NDUFS4: variants seen among roughly 807,000 people sequenced by gnomAD.
The protein encoded by NDUFS4 is NADH:ubiquinone oxidoreductase subunit S4.
A neutral mutation model predicts 24.3 loss-of-function variants in NDUFS4; 28 were observed. That is an observed-to-expected ratio of 1.15 (90% CI 0.85 to 1.58). The LOEUF is 1.58. NDUFS4 is among the 40% of genes most tolerant of loss of function. The probability of loss-of-function intolerance (pLI) is 0.00; values close to 1 mark genes in which losing one functional copy is unlikely to be tolerated. For synonymous variants in NDUFS4, 93 were observed against 69.7 expected, an observed-to-expected ratio of 1.34 and a Z score of -1.67; for missense variants, 223 against 207.9, an observed-to-expected ratio of 1.07 and a Z score of -0.45.
At chr5:53,661,619 C>A (rs1752345973) in intron 4 of NDUFS4, among the ~76,000 whole-genome samples, 1 of 152,152 alleles carries the variant, frequency 6.6e-6, no homozygotes, top group African/African-American at 2.4e-5. Flanking sequence ...GATATTGATT[C>A]TTCCTACCCA....
intron 3 of NDUFS4, among the ~76,000 whole-genome samples, chr5:53,647,078 TTA>T (rs548523698): frequency 6.6e-6 from 1 of 151,232 alleles, no homozygotes; most frequent in Non-Finnish European, 1.5e-5. Flanking sequence ...GTAATATATA[TTA>T]TATATATATC....
intron 1 of NDUFS4, among the ~76,000 whole-genome samples, chr5:53,563,103 C>T (rs1489580016): frequency 6.8e-6 from 1 of 146,728 alleles, no homozygotes; most frequent in African/African-American, 2.5e-5. Context: ...GCAGCGTGCG[C>T]CTGTAGTCCC....
chr5:53,560,644 G>C lies in NDUFS4; in HGVS notation c.-19G>C, dbSNP rs1255185658. 1 of 1,614,196 alleles carries C rather than the reference G, an allele frequency of 6.2e-7. No individual in the cohort carries two copies. On this transcript the variant is annotated 5_prime_UTR_variant, in exon 1 of 5. Coordinates refer to ENST00000296684, the MANE Select transcript of NDUFS4 (RefSeq NM_002495.4). ...TTGCGGTGATCCGTCCTTTCATCCT[G>C]GCGTTTGCCTGCAGCAAGATGGCGG...
chr5:53,667,379 C>T (rs949018458), intron 4 of NDUFS4, among the ~76,000 whole-genome samples: 5 of 151,722 alleles, frequency 3.3e-5, no homozygotes, highest in African/African-American at 7.3e-5. Flanking sequence ...GCAGGAGAAT[C>T]GCTTGAACCC....
intron 2 of NDUFS4, among the ~76,000 whole-genome samples, chr5:53,626,932 G>A (rs537876902): frequency 6.6e-6 from 1 of 152,254 alleles, no homozygotes; most frequent in South Asian, 2.1e-4. Flanking sequence ...ATTGCTTTTG[G>A]TGTTTTAGTC....
chr5:53,601,456 A>C (rs370177508), intron 1 of NDUFS4, among the ~76,000 whole-genome samples: 2 of 152,186 alleles, frequency 1.3e-5, no homozygotes, highest in African/African-American at 4.8e-5. Context: ...ATATACTAAG[A>C]TTTTCTTAAA....
rs60640304 is a variant in NDUFS4, at chr5:53,596,667, ATATG to A, written c.99-6781_99-6778del. ...TGAGGAAATTACTGTGGCATGGAGA[ATATG>A]TATATATTTTATTTCAATTAAAACT... On this transcript the variant is annotated intron_variant, in intron 1 of 4. Transcript: ENST00000296684. Among the ~76,000 whole-genome samples, 1,107 of 152,342 alleles carry A rather than the reference ATATG, an allele frequency of 7.3e-3. 12 individuals carry two copies. Among genetic ancestry groups the A allele is most frequent in the African/African-American group, 0.025 (1,056 of 41,572 alleles).
chr5:53,665,278 G>A (rs1752479789), intron 4 of NDUFS4, among the ~76,000 whole-genome samples: 1 of 152,148 alleles, frequency 6.6e-6, no homozygotes, highest in African/African-American at 2.4e-5. Context: ...AGGGGTCAGG[G>A]ACCCACTTGA....
At chr5:53,580,674 T>C (rs887853042) in intron 1 of NDUFS4, among the ~76,000 whole-genome samples, 13 of 151,948 alleles carry the variant, frequency 8.6e-5, no homozygotes, top group African/African-American at 3.1e-4. Context: ...TCTCTTTCTT[T>C]CTTTCTCTTT....
intron 2 of NDUFS4, among the ~76,000 whole-genome samples, chr5:53,634,500 T>A (rs1348845683): frequency 2.0e-5 from 3 of 152,222 alleles, no homozygotes; most frequent in African/African-American, 7.2e-5. Flanking sequence ...TTAGCCTTTT[T>A]AATTTATTAC....
intron 1 of NDUFS4, among the ~76,000 whole-genome samples, chr5:53,587,186 C>T (rs996685946): frequency 6.6e-6 from 1 of 151,956 alleles, no homozygotes; most frequent in Non-Finnish European, 1.5e-5. Flanking sequence ...GCTCATTTAC[C>T]ACTGCTTACC....
intron 1 of NDUFS4, among the ~76,000 whole-genome samples, chr5:53,594,100 A>C (rs1750058573): frequency 6.6e-6 from 1 of 152,128 alleles, no homozygotes; most frequent in African/African-American, 2.4e-5. Flanking sequence ...TTCTTAACTG[A>C]TACTCTGTCT....
At chr5:53,649,723 G>A (rs1485426608) in intron 3 of NDUFS4, among the ~76,000 whole-genome samples, 1 of 152,136 alleles carries the variant, frequency 6.6e-6, no homozygotes, top group African/African-American at 2.4e-5. Flanking sequence ...TCAAATGGTA[G>A]TTCTGTTTTT....
intron 2 of NDUFS4, among the ~76,000 whole-genome samples, chr5:53,617,573 G>A (rs916787101): frequency 4.0e-5 from 6 of 150,684 alleles, no homozygotes; most frequent in Admixed American, 6.6e-5. Flanking sequence ...TTTTTATTCC[G>A]TACTTCTGTT....
chr5:53,668,215 T>C (rs930279220), intron 4 of NDUFS4, among the ~76,000 whole-genome samples: 1 of 152,228 alleles, frequency 6.6e-6, no homozygotes, highest in African/African-American at 2.4e-5. Context: ...ATATCAATTA[T>C]CAAATACAAT....
rs1278448780 is a variant in NDUFS4 at position 53,683,334 on chromosome 5, C to G, written c.*113C>G. 1 of 780,796 alleles carries G rather than the reference C, an allele frequency of 1.3e-6. No homozygotes were observed. The highest frequency in any genetic ancestry group is 2.1e-5 in the Admixed American group (1 of 48,722). The allele number at this position is 780,796 out of a possible 1,614,324, so 48.4% of individuals were successfully genotyped here. ...TCTCCTAATAAATTGGACCTTTAAA[C>G]TACAGATACATTTTGTGGTGTCTAT... On this transcript the variant is annotated 3_prime_UTR_variant, in exon 5 of 5. Transcript: ENST00000296684.
chr5:53,607,596 C>G (rs1475846847), intron 2 of NDUFS4, among the ~76,000 whole-genome samples: 1 of 152,046 alleles, frequency 6.6e-6, no homozygotes, highest in Non-Finnish European at 1.5e-5. Flanking sequence ...CCTCTATGAA[C>G]TAGTATTTTT....
intron 2 of NDUFS4, among the ~76,000 whole-genome samples, chr5:53,627,502 C>G (rs890666036): frequency 1.3e-5 from 2 of 152,150 alleles, no homozygotes; most frequent in East Asian, 3.8e-4. Flanking sequence ...ATTGATTCTT[C>G]CTGTCCATGA....
At chr5:53,608,617 A>T (rs1054188565) in intron 2 of NDUFS4, among the ~76,000 whole-genome samples, 1 of 65,848 alleles carries the variant, frequency 1.5e-5, no homozygotes, top group Admixed American at 1.3e-4. Context: ...CTCATGCATG[A>T]GAAGCAACTT....
Sources: gnomAD v4.1 joint callset for allele counts (sites outside exome capture counted in the v4.1 genomes callset) on GRCh38, gnomAD v4.1.1 for gene constraint, MANE v1.5 for transcripts, NCBI Gene and HGNC (gene_info 2026-07-23, HGNC 2026-07-21) for gene names.